Variants in CSMD1 observed in about 807,000 individuals in gnomAD.
CSMD1 encodes the protein CUB and sushi domain-containing protein 1.
In CSMD1, 213 loss-of-function variants were observed where a neutral mutation model predicts 417.5. That is an observed-to-expected ratio of 0.51 (90% CI 0.46 to 0.57). The LOEUF (loss-of-function observed/expected upper bound fraction) is 0.57. CSMD1 is among the 20% of genes least tolerant of loss of function. CSMD1 has a pLI of 0.00. For synonymous variants in CSMD1, 2,862 were observed against 1,736.8 expected, an observed-to-expected ratio of 1.65 and a Z score of -16.11; for missense variants, 6,923 against 4,529.7, an observed-to-expected ratio of 1.53 and a Z score of -15.17.
rs577674625 is a variant in CSMD1 at position 4,295,027 on chromosome 8, CATATA to C, written c.415+124921_415+124925del. Among the ~76,000 whole-genome samples, 38 of 148,284 alleles carry C rather than the reference CATATA, an allele frequency of 2.6e-4. 1 individual carries two copies. In the East Asian group the frequency reaches 6.8e-3, roughly 27 times the overall value. The stretch of plus-strand genomic sequence containing the variant: ...ATCTAAGGTGTTAAGATTATATATA[CATATA>C]ATATATGTATATATTATACACATAT... On this transcript the variant is annotated intron_variant, in intron 3 of 69. Transcript: ENST00000635120.
chr8:3,162,398 T>G (rs757458016), intron 37 of CSMD1, 121 bp from the exon 38 acceptor site: 15 of 664,240 alleles, frequency 2.3e-5, no homozygotes, highest in Non-Finnish European at 3.7e-5. Context: ...ACTTCAACTC[T>G]TTCTCTTGTT....
At chr8:4,479,974 A>AT (rs1334502825) in intron 2 of CSMD1, among the ~76,000 whole-genome samples, 1 of 151,220 alleles carries the variant, frequency 6.6e-6, no homozygotes, top group African/African-American at 2.4e-5. Flanking sequence ...TCAAAAAAAA[A>AT]AAAAAATAAA....
At chr8:3,779,761 C>G (rs879275417) in intron 5 of CSMD1, among the ~76,000 whole-genome samples, 2 of 152,082 alleles carry the variant, frequency 1.3e-5, no homozygotes, top group Non-Finnish European at 2.9e-5. Flanking sequence ...GAAAGAGATC[C>G]CAGGTCCTCA....
intron 3 of CSMD1, among the ~76,000 whole-genome samples, chr8:4,045,705 A>G (rs188028233): frequency 3.3e-5 from 5 of 152,260 alleles, no homozygotes; most frequent in Admixed American, 6.5e-5. Flanking sequence ...AGCAGTAACC[A>G]TAAGATTCAA....
intron 1 of CSMD1, among the ~76,000 whole-genome samples, chr8:4,762,469 C>T (rs1812176423): frequency 6.6e-6 from 1 of 152,084 alleles, no homozygotes; most frequent in South Asian, 2.1e-4. Flanking sequence ...ATTTAACATG[C>T]TGTGATTTAA....
At chr8:3,052,781 C>CTG in intron 49 of CSMD1, 134 bp from the exon 50 acceptor site, 1 of 536,680 alleles carries the variant, frequency 1.9e-6, no homozygotes, top group Non-Finnish European at 2.7e-6. Flanking sequence ...CTTTTTTTTT[C>CTG]TTTCTTTTTT....
At chr8:4,121,848 C>A (rs1004037844) in intron 3 of CSMD1, among the ~76,000 whole-genome samples, 1 of 151,924 alleles carries the variant, frequency 6.6e-6, no homozygotes, top group Non-Finnish European at 1.5e-5. Context: ...AAAAAGCATT[C>A]TTTTTTCAAT....
intron 25 of CSMD1, among the ~76,000 whole-genome samples, chr8:3,302,165 A>G (rs1804463173): frequency 6.6e-6 from 1 of 152,186 alleles, no homozygotes; most frequent in Non-Finnish European, 1.5e-5. Flanking sequence ...AATAATGATG[A>G]AATGTGAGGA....
At chr8:3,970,738 G>A (rs965731252) in intron 5 of CSMD1, among the ~76,000 whole-genome samples, 1 of 151,896 alleles carries the variant, frequency 6.6e-6, no homozygotes, top group African/African-American at 2.4e-5. Context: ...AGGTGGCATG[G>A]CATCTTGTTT....
At chr8:3,787,272 A>G (rs1399268035) in intron 5 of CSMD1, among the ~76,000 whole-genome samples, 1 of 152,206 alleles carries the variant, frequency 6.6e-6, no homozygotes, top group Non-Finnish European at 1.5e-5. Context: ...GAGTTGTGAA[A>G]AACCATAATC....
chr8:3,766,890 T>G (rs1871818), intron 5 of CSMD1, among the ~76,000 whole-genome samples: 67,078 of 151,986 alleles, frequency 0.44, 15,131 homozygotes, highest in Non-Finnish European at 0.48. Flanking sequence ...CTTGATAGAC[T>G]GACGCAGACC....
intron 10 of CSMD1, among the ~76,000 whole-genome samples, chr8:3,520,108 A>G (rs1022642804): frequency 3.3e-5 from 5 of 151,630 alleles, no homozygotes; most frequent in African/African-American, 1.2e-4. Context: ...CTTCTTAAAC[A>G]TACTTACAGG....
intron 52 of CSMD1, among the ~76,000 whole-genome samples, chr8:3,003,862 G>C (rs576595323): frequency 6.6e-5 from 10 of 152,268 alleles, no homozygotes; most frequent in African/African-American, 1.4e-4. Context: ...ACAGAAATTA[G>C]AAATGTTATA....
At chr8:3,383,626 AAGG>A (rs1279176237) in intron 18 of CSMD1, among the ~76,000 whole-genome samples, 20 of 152,188 alleles carry the variant, frequency 1.3e-4, no homozygotes, top group African/African-American at 2.9e-4. Flanking sequence ...CCAATAAGAG[AAGG>A]AGAAGAACAA....
chr8:3,609,811 C>CTTTTTTTTTTTTTTTTTTTTTT (rs71534362), intron 8 of CSMD1, among the ~76,000 whole-genome samples: 1 of 75,262 alleles, frequency 1.3e-5, no homozygotes, highest in Non-Finnish European at 2.4e-5. Context: ...AGTATCTTCC[C>CTTTTTTTTTTTTTTTTTTTTTT]TTTTTTTTTT....
intron 2 of CSMD1, among the ~76,000 whole-genome samples, chr8:4,558,125 C>G (rs2130598193): frequency 6.7e-6 from 1 of 150,174 alleles, no homozygotes; most frequent in South Asian, 2.1e-4. Flanking sequence ...GCACCCAGGA[C>G]CTTAAAAATC....
At chr8:3,719,500 C>G (rs1473664143) in intron 6 of CSMD1, among the ~76,000 whole-genome samples, 2 of 152,178 alleles carry the variant, frequency 1.3e-5, no homozygotes, top group African/African-American at 4.8e-5. Context: ...CCCATTTTCC[C>G]TGGACCATTC....
chr8:3,997,742 C>T (rs1815325693), intron 5 of CSMD1, among the ~76,000 whole-genome samples, 161 bp downstream of exon 5: 2 of 152,100 alleles, frequency 1.3e-5, no homozygotes, highest in Admixed American at 6.5e-5. Flanking sequence ...AAATTACTCA[C>T]AGTAAAGGTA....
chr8:4,415,735 G>T (rs928824348), intron 3 of CSMD1, among the ~76,000 whole-genome samples: 1 of 152,188 alleles, frequency 6.6e-6, no homozygotes, highest in Non-Finnish European at 1.5e-5. Context: ...GAGCAAATCT[G>T]TGTATCCACT....
Sources: gnomAD v4.1 joint callset for allele counts (sites outside exome capture counted in the v4.1 genomes callset) on GRCh38, gnomAD v4.1.1 for gene constraint, MANE v1.5 for transcripts, NCBI Gene and HGNC (gene_info 2026-07-23, HGNC 2026-07-21) for gene names.